Variants in PPP2CA observed in about 807,000 individuals in gnomAD.
PPP2CA encodes the protein protein phosphatase 2 catalytic subunit alpha.
A neutral mutation model predicts 38.8 loss-of-function variants in PPP2CA; 5 were observed. The observed-to-expected ratio is 0.13, with a 90% CI of 0.07 to 0.27. The LOEUF is 0.27. PPP2CA is among the 10% of genes least tolerant of loss of function. The pLI is 1.00. For missense variants in PPP2CA, 88 were observed against 389.7 expected (o/e 0.23, Z 6.52); for synonymous variants, 152 against 134.0 (o/e 1.13, Z -0.93).
intron 3 of PPP2CA, 59 bp downstream of exon 3, chr5:134,201,789 G>C (rs1233362884): frequency 5.8e-6 from 9 of 1,547,152 alleles, no homozygotes; most frequent in African/African-American, 1.4e-5. Flanking sequence ...ATAAGCACCT[G>C]AACACTAAAG....
At chr5:134,199,363 TACTTTATACA>T in intron 5 of PPP2CA, 159 bp from the exon 6 acceptor site, 1 of 577,340 alleles carries the variant, frequency 1.7e-6, no homozygotes, top group Non-Finnish European at 3.1e-6. Context: ...TAATCTCCTG[TACTTTATACA>T]ACCTGTAAGG....
At chr5:134,221,029 T>C (rs1164023908) in intron 1 of PPP2CA, among the ~76,000 whole-genome samples, 1 of 152,186 alleles carries the variant, frequency 6.6e-6, no homozygotes, top group Non-Finnish European at 1.5e-5. Flanking sequence ...ACTAACTGCA[T>C]TACAGCTTCC....
intron 1 of PPP2CA, among the ~76,000 whole-genome samples, chr5:134,216,358 G>A (rs989167555): frequency 2.0e-5 from 3 of 151,536 alleles, no homozygotes; most frequent in South Asian, 2.1e-4. Context: ...GCAACATGGC[G>A]AAACACCCCC....
At chr5:134,210,134 T>A (rs1194085974) in intron 1 of PPP2CA, among the ~76,000 whole-genome samples, 1 of 150,898 alleles carries the variant, frequency 6.6e-6, no homozygotes, top group Non-Finnish European at 1.5e-5. Context: ...AAAAACAAAA[T>A]AAAGATAAGC....
intron 1 of PPP2CA, among the ~76,000 whole-genome samples, chr5:134,221,361 C>T (rs1263659876): frequency 6.6e-6 from 1 of 152,188 alleles, no homozygotes; most frequent in African/African-American, 2.4e-5. Context: ...GATCCGCCTG[C>T]CGTGGCCTTC....
intron 3 of PPP2CA, among the ~76,000 whole-genome samples, chr5:134,201,404 C>T (rs1455253329): frequency 6.6e-5 from 10 of 152,218 alleles, no homozygotes; most frequent in Non-Finnish European, 1.0e-4. Flanking sequence ...AATAGACCAT[C>T]GCTGTCACAA....
chr5:134,204,984 G>T (rs1224261019), intron 2 of PPP2CA, among the ~76,000 whole-genome samples: 1 of 143,602 alleles, frequency 7.0e-6, no homozygotes, highest in Non-Finnish European at 1.5e-5. Flanking sequence ...CCAAGTTAGA[G>T]TGTAGGGTGG....
chr5:134,206,563 A>G (rs1327693596), intron 1 of PPP2CA, among the ~76,000 whole-genome samples: 5 of 152,040 alleles, frequency 3.3e-5, no homozygotes, highest in African/African-American at 7.2e-5. Context: ...CAGTAGTATG[A>G]TCATAGCTCA....
intron 1 of PPP2CA, among the ~76,000 whole-genome samples, chr5:134,217,217 T>G (rs1451849337): frequency 2.6e-5 from 4 of 151,454 alleles, no homozygotes; most frequent in Non-Finnish European, 5.9e-5. Context: ...AAGGTGGAGG[T>G]GGCGGTGAGC....
chr5:134,217,877 G>A (rs924657893), intron 1 of PPP2CA, among the ~76,000 whole-genome samples: 2 of 152,142 alleles, frequency 1.3e-5, no homozygotes, highest in African/African-American at 2.4e-5. Context: ...CTAAGCTATT[G>A]GATAGCCTAT....
At chr5:134,220,122 G>C (rs1028653558) in intron 1 of PPP2CA, among the ~76,000 whole-genome samples, 1 of 151,460 alleles carries the variant, frequency 6.6e-6, no homozygotes, top group African/African-American at 2.4e-5. Flanking sequence ...TCTTCAGCCT[G>C]GTCTACCACT....
intron 1 of PPP2CA, among the ~76,000 whole-genome samples, chr5:134,220,182 G>A (rs1417520775): frequency 6.6e-6 from 1 of 151,706 alleles, no homozygotes; most frequent in Non-Finnish European, 1.5e-5. Context: ...AACAGGTCTG[G>A]TGCCAGTGGC....
At position 134,213,739 on chromosome 5, in the gene PPP2CA, T is replaced by C. The variant is rs372544677; in HGVS notation, c.103-7608A>G. On this transcript the variant is annotated intron_variant, in intron 1 of 6. Coordinates refer to ENST00000481195, the MANE Select transcript of PPP2CA (RefSeq NM_002715.4). ...TCAAGGTTCCAGTGAACTATGATGA[T>C]GTCACTGTACTTCAGCCTGGGCAAC... 2.7e-5 allele frequency among the ~76,000 whole-genome samples: 4 copies of C among 149,278 alleles called. No individual in the cohort carries two copies. The East Asian group carries it at 6.0e-4, about 22-fold the overall frequency.
At chr5:134,209,271 C>T (rs1264731464) in intron 1 of PPP2CA, among the ~76,000 whole-genome samples, 1 of 59,034 alleles carries the variant, frequency 1.7e-5, no homozygotes. Context: ...TCCCTCAGAC[C>T]GGAGGGGGAA....
At chr5:134,222,854 T>C (rs1430673998) in intron 1 of PPP2CA, among the ~76,000 whole-genome samples, 1 of 152,238 alleles carries the variant, frequency 6.6e-6, no homozygotes, top group Non-Finnish European at 1.5e-5. Context: ...ACCTTGGCTT[T>C]TGTATAAGTC....
intron 1 of PPP2CA, among the ~76,000 whole-genome samples, chr5:134,209,246 CAGT>C (rs1477120338): frequency 2.7e-5 from 4 of 149,276 alleles, no homozygotes; most frequent in African/African-American, 9.9e-5. Flanking sequence ...CAGTGGTATA[CAGT>C]AGAAGCAACC....
At chr5:134,206,759 T>A (rs1432399669) in intron 1 of PPP2CA, among the ~76,000 whole-genome samples, 1 of 152,228 alleles carries the variant, frequency 6.6e-6, no homozygotes, top group Non-Finnish European at 1.5e-5. Context: ...TCAGCCCTGT[T>A]TGACTTTTTA....
intron 1 of PPP2CA, among the ~76,000 whole-genome samples, chr5:134,206,578 A>G (rs1762089323): frequency 6.6e-6 from 1 of 152,036 alleles, no homozygotes; most frequent in Non-Finnish European, 1.5e-5. Context: ...AGCTCACTGT[A>G]GCCTGGATCT....
chr5:134,219,591 T>C (rs56890478), intron 1 of PPP2CA, among the ~76,000 whole-genome samples: 1,754 of 152,280 alleles, frequency 0.012, 33 homozygotes, highest in African/African-American at 0.038. Flanking sequence ...GGCCAACTGG[T>C]CACATTTAGT....
Sources: allele counts gnomAD v4.1 joint callset (sites outside exome capture counted in the v4.1 genomes callset), GRCh38; gene constraint gnomAD v4.1.1; transcripts MANE v1.5; gene names NCBI Gene and HGNC (gene_info 2026-07-23, HGNC 2026-07-21).